The following THRAP3 variants were observed in gnomAD, a reference collection of about 807,000 sequenced individuals.
THRAP3 encodes the protein thyroid hormone receptor associated protein 3.
THRAP3 carries 16 observed loss-of-function variants against 101.0 expected under a neutral mutation model. That is an observed-to-expected ratio of 0.16 (90% CI 0.11 to 0.24). THRAP3 has a LOEUF of 0.24. THRAP3 is among the 10% of genes least tolerant of loss of function. The pLI, the probability that THRAP3 is intolerant of heterozygous loss-of-function variation, is 1.00. For synonymous variants in THRAP3, 407 were observed against 422.6 expected, an observed-to-expected ratio of 0.96 and a Z score of 0.45; for missense variants, 989 against 1,202.7, an observed-to-expected ratio of 0.82 and a Z score of 2.63.
At position 36,289,602 on chromosome 1, in the gene THRAP3, C is replaced by T; in HGVS notation, c.1583C>T (p.Ala528Val). ...AATTTCCGAGTGACTGCTTATAAAG[C>T]AGTCCAGGAGAAAAGCTCATCACCT... ...EKNFRVTAYK[A>V]VQEKSSSPPP... is the part of the protein sequence containing the mutation. The change falls in exon 5 of 12, where the codon GCA becomes GTA. Residue 528 changes from alanine to valine, a missense_variant. Coordinates refer to ENST00000354618, the MANE Select transcript of THRAP3 (RefSeq NM_005119.4). 6.2e-7 allele frequency: 1 copy of T among 1,614,144 alleles called. No homozygotes were observed. Among genetic ancestry groups the T allele is most frequent in the Non-Finnish European group, 8.5e-7 (1 of 1,180,026 alleles).
chr1:36,303,727 G>T, intron 11 of THRAP3, 69 bp from the exon 12 acceptor site: 1 of 1,606,738 alleles, frequency 6.2e-7, no homozygotes, highest in Non-Finnish European at 8.5e-7. Context: ...ATTTGGGTGC[G>T]TGCAGAGAAG....
At chr1:36,302,735 G>C (rs755579623) in intron 11 of THRAP3, among the ~76,000 whole-genome samples, 1 of 152,198 alleles carries the variant, frequency 6.6e-6, no homozygotes, top group South Asian at 2.1e-4. Flanking sequence ...AATGACTGCT[G>C]GTTTTCAAAA....
chr1:36,300,762 A>T, intron 9 of THRAP3, 124 bp from the exon 10 acceptor site: 1 of 907,306 alleles, frequency 1.1e-6, no homozygotes, highest in Non-Finnish European at 1.7e-6. Flanking sequence ...TTATAAGGTT[A>T]CTCATCATCA....
intron 4 of THRAP3, chr1:36,288,701 A>G (rs1645827009): frequency 1.0e-6 from 1 of 985,492 alleles, no homozygotes; most frequent in Non-Finnish European, 1.2e-6. Flanking sequence ...TAAGTGACTG[A>G]GTGAAGGTTG....
In THRAP3 at chr1:36,289,183, G is replaced by A. The variant is rs141641018; in HGVS notation, c.1164G>A (p.Met388Ile). The A allele has an allele frequency of 4.7e-4, 766 of 1,614,112 alleles. 5 individuals are homozygous for A. The African/African-American group carries it at 9.3e-3, about 19-fold the overall frequency. The change falls in exon 5 of 12, where the codon ATG (methionine) becomes ATA (isoleucine). Residue 388 changes from methionine to isoleucine, a missense_variant. By Grantham distance (10) the Met-to-Ile change is conservative (BLOSUM62 1). Coordinates refer to ENST00000354618, the MANE Select transcript of THRAP3 (RefSeq NM_005119.4). ...FSDTGLGDGK[M>I]KSDSFAPKTD... ...ACACAGGCTTGGGTGATGGAAAAAT[G>A]AAATCTGATTCTTTTGCTCCCAAAA...
chr1:36,265,948 G>A (rs1354824020), intron 2 of THRAP3, among the ~76,000 whole-genome samples: 2 of 152,014 alleles, frequency 1.3e-5, no homozygotes, highest in Non-Finnish European at 2.9e-5. Flanking sequence ...GAGGTCAGGA[G>A]TTTGAGACCA....
intron 2 of THRAP3, among the ~76,000 whole-genome samples, chr1:36,274,257 C>T (rs1241727243): frequency 6.6e-6 from 1 of 152,040 alleles, no homozygotes; most frequent in Admixed American, 6.5e-5. Context: ...CAGTGTAAAA[C>T]TTATATTCAG....
In THRAP3 at chr1:36,304,075, TGAG is replaced by T; in HGVS notation, c.*62_*64del. 1 of 1,450,784 alleles carries T rather than the reference TGAG, an allele frequency of 6.9e-7. No individual in the cohort carries two copies. The highest frequency in any genetic ancestry group is 1.4e-5 in the African/African-American group (1 of 69,582). 89.9% of individuals were successfully genotyped at this position (1,450,784 alleles called of 1,614,324 possible). On this transcript the variant is annotated 3_prime_UTR_variant, in exon 12 of 12. Transcript: ENST00000354618. Reference sequence around the variant, plus strand: ...AGAGAGGCGCTGGGAAGATGGCTGGTGAGGAGCTTAACAGAGGAACCTCAAGAA... The same window carrying T: ...AGAGAGGCGCTGGGAAGATGGCTGGTGAGCTTAACAGAGGAACCTCAAGAA...
upstream of THRAP3, among the ~76,000 whole-genome samples, chr1:36,220,972 A>AATATATATAT (rs1228406695): frequency 1.1e-4 from 10 of 94,118 alleles, no homozygotes; most frequent in Admixed American, 2.7e-4. Context: ...AAAAAAAAAA[A>AATATATATAT]ATATATATAT....
At chr1:36,282,187 G>C (rs1451506906) in intron 2 of THRAP3, among the ~76,000 whole-genome samples, 1 of 151,678 alleles carries the variant, frequency 6.6e-6, no homozygotes, top group Non-Finnish European at 1.5e-5. Context: ...TGGCCTCCCA[G>C]TGCACTGGGA....
At chr1:36,285,515 A>G (rs1424186762) in intron 3 of THRAP3, among the ~76,000 whole-genome samples, 1 of 152,206 alleles carries the variant, frequency 6.6e-6, no homozygotes, top group African/African-American at 2.4e-5. Flanking sequence ...TTGCTCTACC[A>G]GAGTTATATA....
At chr1:36,288,593 A>T in intron 4 of THRAP3, 1 of 985,462 alleles carries the variant, frequency 1.0e-6, no homozygotes, top group Non-Finnish European at 1.2e-6. Flanking sequence ...AGCAAATTTG[A>T]AGTCTCTTTT....
chr1:36,286,252 A>T lies in THRAP3; in HGVS notation c.138-116A>T. 1 of 1,106,600 alleles carries T rather than the reference A, an allele frequency of 9.0e-7. No individual in the cohort carries two copies. The allele number at this position is 1,106,600 out of a possible 1,614,324, so 68.5% of individuals were successfully genotyped here. A position where few individuals can be genotyped will look rare whatever the true frequency, so the allele number is the denominator to read the frequency against. On this transcript the variant is annotated intron_variant, in intron 3 of 11. Transcript: ENST00000354618. The surrounding 1 kb of genome is among the most constrained non-coding windows in gnomAD (Gnocchi z 5.5). ...ATTAAATATTTGTGCCCTTGCTTTG[A>T]AAACAAAACTGAAAGTGAATGACAC...
rs1371300182 is a variant in THRAP3, at chr1:36,224,470, T to G, written c.-170T>G. 1 of 152,850 alleles carries G rather than the reference T, an allele frequency of 6.5e-6. No homozygotes were observed. Among genetic ancestry groups the G allele is most frequent in the East Asian group, 1.9e-4 (1 of 5,218 alleles). The allele number at this position is 152,850 out of a possible 1,614,324, so 9.5% of individuals were successfully genotyped here. On this transcript the variant is annotated 5_prime_UTR_variant, in exon 1 of 12. Transcript: ENST00000354618. Reference sequence around the variant, plus strand: ...GCGAGGTTCGGGCTGGTTGTTCCGTTGCGAGCTGCAGCTGCGATCTCTGTG... The same window carrying G: ...GCGAGGTTCGGGCTGGTTGTTCCGTGGCGAGCTGCAGCTGCGATCTCTGTG...
intron 2 of THRAP3, among the ~76,000 whole-genome samples, chr1:36,277,444 C>T (rs1233719830): frequency 1.3e-5 from 2 of 152,090 alleles, no homozygotes; most frequent in Non-Finnish European, 2.9e-5. Context: ...AGGTGATCCA[C>T]CCACTTCAGT....
At chr1:36,271,191 G>A (rs1645586214) in intron 2 of THRAP3, among the ~76,000 whole-genome samples, 1 of 152,280 alleles carries the variant, frequency 6.6e-6, no homozygotes, top group Non-Finnish European at 1.5e-5. Flanking sequence ...TATTTTTAAA[G>A]TAAGTTCTAC....
chr1:36,261,846 G>C (rs1645450002), intron 2 of THRAP3, among the ~76,000 whole-genome samples: 1 of 152,208 alleles, frequency 6.6e-6, no homozygotes, highest in Admixed American at 6.5e-5. Flanking sequence ...AGTTGTGTTT[G>C]TATTTAAGAC....
intron 1 of THRAP3, chr1:36,224,939 G>C (rs1056358267): frequency 6.6e-6 from 1 of 152,318 alleles, no homozygotes; most frequent in Non-Finnish European, 1.5e-5. Context: ...CTGCCACTCA[G>C]TAAATGTTAG....
At chr1:36,301,318 A>T (rs1203117413) in intron 10 of THRAP3, among the ~76,000 whole-genome samples, 2 of 151,994 alleles carry the variant, frequency 1.3e-5, no homozygotes, top group Non-Finnish European at 2.9e-5. Context: ...AACTTCCCCC[A>T]CTTAACCTTG....
Sources: gnomAD v4.1 joint callset for allele counts (sites outside exome capture counted in the v4.1 genomes callset) on GRCh38, gnomAD v4.1.1 for gene constraint, Gnocchi (gnomAD v3.1) non-coding constraint, MANE v1.5 for transcripts, NCBI Gene and HGNC (gene_info 2026-07-23, HGNC 2026-07-21) for gene names.